SUSD3: variants seen among roughly 807,000 people sequenced by gnomAD.
SUSD3 encodes the protein sushi domain containing 3, also known as sushi domain-containing protein 3.
In SUSD3, 18 loss-of-function variants were observed where a neutral mutation model predicts 20.6. The ratio of observed to expected loss-of-function variants is 0.87; its 90% CI spans 0.60 to 1.30. The LOEUF is 1.30. SUSD3 is among the 50% of genes most tolerant of loss of function. The pLI, the probability that SUSD3 is intolerant of heterozygous loss-of-function variation, is 0.00. For missense variants in SUSD3, 306 were observed against 346.9 expected, an observed-to-expected ratio of 0.88 and a Z score of 0.94; for synonymous variants, 137 against 141.5, an observed-to-expected ratio of 0.97 and a Z score of 0.23.
intron 2 of SUSD3, among the ~76,000 whole-genome samples, chr9:93,076,704 G>T (rs1218832689): frequency 1.3e-5 from 2 of 152,254 alleles, no homozygotes; most frequent in South Asian, 4.1e-4. Context: ...GTTAGGATTA[G>T]ATTCTGAAAG....
rs532154393 is a variant in SUSD3 at position 93,071,663 on chromosome 9, A to G, written c.89-4121A>G. The stretch of plus-strand genomic sequence containing the variant: ...CGTCCTTCAATTCAATCAAGTTGAC[A>G]CTCAATATTAACCATCACACTCCCC... On this transcript the variant is annotated intron_variant, in intron 1 of 4. Transcript: ENST00000375472. Among the ~76,000 whole-genome samples, 49 of 152,216 alleles carry G rather than the reference A, an allele frequency of 3.2e-4. No individual in the cohort carries two copies. In the South Asian group the frequency reaches 0.01, roughly 32 times the overall value.
intron 2 of SUSD3, among the ~76,000 whole-genome samples, chr9:93,076,243 C>A (rs1162779397): frequency 1.3e-5 from 2 of 152,244 alleles, no homozygotes; most frequent in Non-Finnish European, 2.9e-5. Context: ...AGCCCCTCAC[C>A]GCCAAGAGGC....
chr9:93,062,622 A>G (rs1825552525), intron 1 of SUSD3, among the ~76,000 whole-genome samples: 1 of 152,066 alleles, frequency 6.6e-6, no homozygotes, highest in Non-Finnish European at 1.5e-5. Context: ...GTTCATGAGT[A>G]TTTGAAGCAG....
Position 93,076,433 on chromosome 9 carries a change from C to T in SUSD3, c.277+461C>T, listed in dbSNP as rs138735549. Among the ~76,000 whole-genome samples the T allele has an allele frequency of 3.0e-3, 452 of 152,234 alleles. 3 individuals are homozygous for T. Among genetic ancestry groups the T allele is most frequent in the African/African-American group, 0.01 (427 of 41,530 alleles). On this transcript the variant is annotated intron_variant, in intron 2 of 4. Transcript: ENST00000375472. ...CACGGAAGGTCATAACGTGCCTGGC[C>T]CTGGAGCTCCCAGTCTGTGGGAGGC...
At chr9:93,060,934 T>C (rs1333056406) in intron 1 of SUSD3, among the ~76,000 whole-genome samples, 9 of 152,172 alleles carry the variant, frequency 5.9e-5, no homozygotes, top group Non-Finnish European at 1.0e-4. Flanking sequence ...AGAGTAGATA[T>C]GAAGAGCACA....
rs1456969678 is a variant in SUSD3, at chr9:93,083,065, T to TGGGGAGTGAGAGAGCC, written c.558-1471_558-1456dup. ...TGTACAGGGCTGTGTTCACCCCCTC[T>TGGGGAGTGAGAGAGCC]GGGGAGTGAGAGAGCCAGGGCGGGA... On this transcript the variant is annotated intron_variant, in intron 4 of 4. Transcript: ENST00000375472. Among the ~76,000 whole-genome samples, 20 of 152,068 alleles carry TGGGGAGTGAGAGAGCC rather than the reference T, an allele frequency of 1.3e-4. No homozygotes were observed. The East Asian group carries it at 3.9e-3, about 30-fold the overall frequency.
chr9:93,065,603 A>C (rs962319141), intron 1 of SUSD3, among the ~76,000 whole-genome samples: 2 of 152,236 alleles, frequency 1.3e-5, no homozygotes, highest in Non-Finnish European at 2.9e-5. Flanking sequence ...GGAGGGGGCC[A>C]CGTGGCCAGC....
intron 1 of SUSD3, 41 bp from the exon 2 acceptor site, chr9:93,075,743 C>CG (rs776653071): frequency 6.7e-6 from 1 of 149,148 alleles, no homozygotes; most frequent in African/African-American, 4.0e-5. Context: ...CGTGCCCACC[C>CG]CCCCCCCCCC....
At chr9:93,076,309 G>GTTCATTCATTCA (rs35809322) in intron 2 of SUSD3, among the ~76,000 whole-genome samples, 2 of 151,320 alleles carry the variant, frequency 1.3e-5, no homozygotes, top group African/African-American at 2.4e-5. Context: ...AACTATGTTT[G>GTTCATTCATTCA]TTCATTCATT....
chr9:93,072,223 C>T (rs1225130537), intron 1 of SUSD3, among the ~76,000 whole-genome samples: 1 of 152,144 alleles, frequency 6.6e-6, no homozygotes, highest in Non-Finnish European at 1.5e-5. Context: ...AGCAGTGTAG[C>T]CTGACCCTCC....
intron 1 of SUSD3, 72 bp downstream of exon 1, chr9:93,058,902 G>T: frequency 1.1e-6 from 1 of 943,286 alleles, no homozygotes; most frequent in South Asian, 3.7e-5. Flanking sequence ...CCGAGGGGAG[G>T]GGGTCGCGGG....
intron 1 of SUSD3, among the ~76,000 whole-genome samples, chr9:93,067,387 C>G (rs1180741690): frequency 6.6e-6 from 1 of 152,134 alleles, no homozygotes; most frequent in African/African-American, 2.4e-5. Context: ...TGTGAACATT[C>G]GTGTACCCAT....
At chr9:93,077,514 A>G (rs191396713) in intron 2 of SUSD3, among the ~76,000 whole-genome samples, 4 of 151,864 alleles carry the variant, frequency 2.6e-5, no homozygotes, top group Admixed American at 2.6e-4. Context: ...TCAGTTAGCC[A>G]CTCTGCACAC....
rs147728765 is a variant in SUSD3, at chr9:93,077,781, C to T, written c.278-65C>T. 145 of 1,596,602 alleles carry T rather than the reference C, an allele frequency of 9.1e-5. No homozygotes were observed. In the East Asian group the frequency reaches 1.5e-3, roughly 17 times the overall value. ...CTACCCGTACCACCCCTGAGACCCC[C>T]AACCCCTGGGCCAAGCAAATCTGGG... On this transcript the variant is annotated intron_variant, in intron 2 of 4. Transcript: ENST00000375472.
chr9:93,076,040 T>C, intron 2 of SUSD3, 68 bp downstream of exon 2: 1 of 1,387,184 alleles, frequency 7.2e-7, no homozygotes, highest in Non-Finnish European at 9.9e-7. Context: ...GTCATGGGGA[T>C]GGTGTGGGTG....
intron 1 of SUSD3, among the ~76,000 whole-genome samples, chr9:93,070,623 C>G (rs1050221240): frequency 1.3e-5 from 2 of 152,248 alleles, no homozygotes; most frequent in Admixed American, 6.5e-5. Context: ...CTCCTGCCCT[C>G]ATGTGTACCA....
chr9:93,067,103 G>A (rs1825747347), intron 1 of SUSD3, among the ~76,000 whole-genome samples: 1 of 152,174 alleles, frequency 6.6e-6, no homozygotes, highest in Non-Finnish European at 1.5e-5. Context: ...CCCAGCTTCT[G>A]ACAGCCACTA....
chr9:93,078,143 C>CA (rs1161771334), intron 3 of SUSD3, 150 bp downstream of exon 3: 2 of 1,110,956 alleles, frequency 1.8e-6, no homozygotes, highest in Admixed American at 4.6e-5. Flanking sequence ...CGTCTCCCCC[C>CA]CAAGTGCTGC....
At chr9:93,068,908 G>A (rs1825815893) in intron 1 of SUSD3, among the ~76,000 whole-genome samples, 1 of 152,104 alleles carries the variant, frequency 6.6e-6, no homozygotes. Flanking sequence ...CCTATGATAA[G>A]TTTAATTTAT....
Sources: allele counts gnomAD v4.1 joint callset (sites outside exome capture counted in the v4.1 genomes callset), GRCh38; gene constraint gnomAD v4.1.1; transcripts MANE v1.5; gene names NCBI Gene and HGNC (gene_info 2026-07-23, HGNC 2026-07-21).